The following KLF12 variants were observed in gnomAD, a reference collection of about 807,000 sequenced individuals.
The protein encoded by KLF12 is Krueppel-like factor 12.
In KLF12, 9 loss-of-function variants were observed where a neutral mutation model predicts 37.8. That is an observed-to-expected ratio of 0.24 (90% CI 0.14 to 0.42). The LOEUF is 0.42. KLF12 is among the 10% of genes least tolerant of loss of function. The probability of loss-of-function intolerance (pLI) is 1.00; values close to 1 mark genes in which losing one functional copy is unlikely to be tolerated. For synonymous variants in KLF12, 208 were observed against 202.1 expected (o/e 1.03, Z -0.25); for missense variants, 411 against 516.0 (o/e 0.80, Z 1.97).
chr13:73,936,831 T>G (rs1889954688), intron 3 of KLF12, among the ~76,000 whole-genome samples: 1 of 152,216 alleles, frequency 6.6e-6, no homozygotes, highest in South Asian at 2.1e-4. Context: ...TAGTTGTTCA[T>G]GGTGGGAGTC....
At chr13:74,100,734 T>A (rs4885150) in intron 1 of KLF12, among the ~76,000 whole-genome samples, 1 of 152,006 alleles carries the variant, frequency 6.6e-6, no homozygotes, top group Admixed American at 6.5e-5. Context: ...CATAAAAATG[T>A]ATGTGTACAT....
At chr13:74,010,036 A>G (rs1892510290) in intron 1 of KLF12, among the ~76,000 whole-genome samples, 1 of 142,972 alleles carries the variant, frequency 7.0e-6, no homozygotes, top group Non-Finnish European at 1.6e-5. Context: ...TGCAACCTCC[A>G]CCTCCTGGGC....
intron 1 of KLF12, among the ~76,000 whole-genome samples, chr13:74,027,320 C>A (rs180823075): frequency 1.3e-5 from 2 of 152,232 alleles, no homozygotes; most frequent in East Asian, 3.9e-4. Context: ...CACACTTCCC[C>A]CTCTCCCTTT....
chr13:74,301,746 G>A, the KLF12 span, among the ~76,000 whole-genome samples: 3 of 152,274 alleles, frequency 2.0e-5, no homozygotes, highest in East Asian at 5.8e-4. Flanking sequence ...CTGCAGCAGG[G>A]AGCATCTGTG....
intron 7 of KLF12, among the ~76,000 whole-genome samples, chr13:73,707,165 G>A (rs1415844223): frequency 6.6e-6 from 1 of 152,144 alleles, no homozygotes; most frequent in Non-Finnish European, 1.5e-5. Flanking sequence ...GCATAGGCTC[G>A]AGAGAAACCA....
At chr13:73,757,520 A>G (rs1879255217) in intron 6 of KLF12, among the ~76,000 whole-genome samples, 2 of 152,142 alleles carry the variant, frequency 1.3e-5, no homozygotes, top group Admixed American at 1.3e-4. Flanking sequence ...TGAGGTAAGA[A>G]TATGTTTGAT....
At chr13:73,799,439 T>C (rs1165365692) in intron 5 of KLF12, among the ~76,000 whole-genome samples, 1 of 152,010 alleles carries the variant, frequency 6.6e-6, no homozygotes, top group African/African-American at 2.4e-5. Flanking sequence ...TATATATATT[T>C]TTAAAAATCA....
intron 6 of KLF12, among the ~76,000 whole-genome samples, chr13:73,735,957 CTT>C (rs10699962): frequency 6.8e-6 from 1 of 146,768 alleles, no homozygotes. Flanking sequence ...CTTTCTTTTT[CTT>C]TTTTTTTTTA....
the KLF12 span, among the ~76,000 whole-genome samples, chr13:74,232,469 T>C: frequency 6.6e-6 from 1 of 152,204 alleles, no homozygotes; most frequent in Non-Finnish European, 1.5e-5. Context: ...TTGAACCAGA[T>C]TACTATAAGA....
intron 5 of KLF12, among the ~76,000 whole-genome samples, chr13:73,787,783 T>C: frequency 6.6e-6 from 1 of 152,264 alleles, no homozygotes; most frequent in Middle Eastern, 3.4e-3. Context: ...AAATGATTCA[T>C]AGAAAATATT....
the KLF12 span, among the ~76,000 whole-genome samples, chr13:74,140,564 AT>A: frequency 1.3e-5 from 2 of 152,206 alleles, no homozygotes; most frequent in Non-Finnish European, 2.9e-5. Flanking sequence ...TCTTGCTAGT[AT>A]TGGGTGGTGC....
Position 73,695,304 on chromosome 13 carries a change from C to G in KLF12, c.*186G>C. On this transcript the variant is annotated 3_prime_UTR_variant, in exon 8 of 8. Transcript: ENST00000377669. ...CCCAGGCCCGGGTAAAGACGGTTCT[C>G]GTCTAGTCATGATGGGGGTTACCTT... The G allele has an allele frequency of 3.4e-6, 2 of 585,998 alleles. No homozygotes were observed. The highest frequency in any genetic ancestry group is 4.7e-5 in the South Asian group (2 of 42,696). 36.3% of individuals were successfully genotyped at this position (585,998 alleles called of 1,614,324 possible). A position where few individuals can be genotyped will look rare whatever the true frequency, so the allele number is the denominator to read the frequency against.
In KLF12 at chr13:73,707,286, G is replaced by A. The variant is rs542569632; in HGVS notation, c.1027+8082C>T. 7.7e-4 allele frequency among the ~76,000 whole-genome samples: 118 copies of A among 152,292 alleles called. 1 individual carries two copies. In the South Asian group the frequency reaches 0.024, roughly 31 times the overall value. Reference sequence around the variant, plus strand: ...TGTGATGAGTATATGTAAAGCACTCGAAGAGGTATGTTTGTGTTCAAAGGT... The same window carrying A: ...TGTGATGAGTATATGTAAAGCACTCAAAGAGGTATGTTTGTGTTCAAAGGT... On this transcript the variant is annotated intron_variant, in intron 7 of 7. Transcript: ENST00000377669.
At chr13:73,863,587 A>T (rs888727848) in intron 3 of KLF12, among the ~76,000 whole-genome samples, 2 of 152,130 alleles carry the variant, frequency 1.3e-5, no homozygotes, top group African/African-American at 4.8e-5. Flanking sequence ...TGTAGTGCTA[A>T]AACTAGAATA....
At chr13:74,133,235 C>A (rs1283791083) in intron 1 of KLF12, among the ~76,000 whole-genome samples, 1 of 152,122 alleles carries the variant, frequency 6.6e-6, no homozygotes. Flanking sequence ...CTCTCCAGCG[C>A]GCACACACAG....
chr13:73,865,533 A>G (rs984519288), intron 3 of KLF12, among the ~76,000 whole-genome samples: 1 of 152,206 alleles, frequency 6.6e-6, no homozygotes, highest in African/African-American at 2.4e-5. Context: ...CTATCAATGT[A>G]TATCATTTTT....
At chr13:73,763,438 T>A (rs1879698530) in intron 6 of KLF12, among the ~76,000 whole-genome samples, 1 of 152,196 alleles carries the variant, frequency 6.6e-6, no homozygotes, top group Non-Finnish European at 1.5e-5. Flanking sequence ...GCTGAATAAA[T>A]AAAAGTTGAA....
At chr13:74,076,098 T>C (rs908344791) in intron 1 of KLF12, among the ~76,000 whole-genome samples, 9 of 152,164 alleles carry the variant, frequency 5.9e-5, no homozygotes, top group Non-Finnish European at 1.3e-4. Context: ...ACTCTGAATA[T>C]ATTAAGAACT....
At chr13:74,086,387 C>A (rs151124398) in intron 1 of KLF12, among the ~76,000 whole-genome samples, 7 of 150,444 alleles carry the variant, frequency 4.7e-5, no homozygotes, top group African/African-American at 1.5e-4. Context: ...TTTGTCCTTG[C>A]GATAGTTTGC....
Sources: allele counts gnomAD v4.1 joint callset (sites outside exome capture counted in the v4.1 genomes callset), GRCh38; gene constraint gnomAD v4.1.1; transcripts MANE v1.5; gene names NCBI Gene and HGNC (gene_info 2026-07-23, HGNC 2026-07-21).